Variants in UBR4 observed in about 807,000 individuals in gnomAD.
The protein encoded by UBR4 is E3 ubiquitin-protein ligase UBR4.
UBR4 carries 124 observed loss-of-function variants against 575.6 expected under a neutral mutation model. That is an observed-to-expected ratio of 0.22 (90% CI 0.19 to 0.25). The LOEUF (loss-of-function observed/expected upper bound fraction) is 0.25. Among genes scored for constraint, UBR4 ranks in the 10% least tolerant of loss-of-function variants. UBR4 has a pLI of 1.00. For synonymous variants in UBR4, 2,455 were observed against 2,473.7 expected, an observed-to-expected ratio of 0.99 and a Z score of 0.22; for missense variants, 4,818 against 6,478.8, an observed-to-expected ratio of 0.74 and a Z score of 8.80.
intron 49 of UBR4, chr1:19,149,662 CTCT>C (rs1168287130): frequency 1.9e-6 from 2 of 1,073,418 alleles, no homozygotes; most frequent in African/African-American, 1.7e-5. Flanking sequence ...AGCAGGAAGA[CTCT>C]TCAACAGAAG....
intron 75 of UBR4, 59 bp from the exon 76 acceptor site, chr1:19,114,129 T>C (rs1019591634): frequency 3.7e-5 from 59 of 1,581,712 alleles, no homozygotes; most frequent in Non-Finnish European, 5.0e-5. Flanking sequence ...TTTCCCTGAG[T>C]AATCCTCACT....
chr1:19,086,812 C>T lies in UBR4; in HGVS notation c.14554G>A (p.Val4852Ile). The change falls in exon 100 of 106, where the codon GTC becomes ATC. Residue 4852 changes from valine to isoleucine, a missense_variant. By Grantham distance (29) the Val-to-Ile change is conservative. This residue lies in a region of UBR4 where 196 missense variants were observed against 386.8 expected (regional missense o/e 0.51). Coordinates refer to ENST00000375254, the MANE Select transcript of UBR4 (RefSeq NM_020765.3). ...TTCGTGAAGGTATAAATGCCCAGGA[C>T]CTTTGTGGGCTGCAAAGACGACAAC... is the stretch of plus-strand genomic sequence containing the variant. Reference protein sequence around the residue: ...REGYKFQPTKVLGIYTFTKRV... With the variant: ...REGYKFQPTKILGIYTFTKRV... The T allele has an allele frequency of 1.9e-6, 3 of 1,614,098 alleles. No homozygotes were observed. Among genetic ancestry groups the T allele is most frequent in the Non-Finnish European group, 2.5e-6 (3 of 1,179,954 alleles).
chr1:19,097,362 G>T, intron 90 of UBR4, 82 bp from the exon 91 acceptor site: 2 of 1,241,612 alleles, frequency 1.6e-6, no homozygotes, highest in Non-Finnish European at 2.2e-6. Context: ...CTTGCTTAAA[G>T]CCCCAGCAAT....
chr1:19,164,334 A>G lies in UBR4; in HGVS notation c.4619T>C (p.Val1540Ala). The G allele has an allele frequency of 6.2e-7, 1 of 1,614,178 alleles. No individual in the cohort carries two copies. Among genetic ancestry groups the G allele is most frequent in the East Asian group, 2.2e-5 (1 of 44,878 alleles). The change falls in exon 33 of 106, where the codon GTG (valine) becomes GCG (alanine). Residue 1540 changes from valine to alanine, a missense_variant. Val to Ala is a moderately conservative substitution (Grantham distance 64). Around this residue, in one of 29 missense-constraint regions of UBR4, gnomAD observed 1,172 missense variants for 1,259.7 expected, o/e 0.93. Coordinates refer to ENST00000375254, the MANE Select transcript of UBR4 (RefSeq NM_020765.3). ...DGTGFPELMV[V>A]MATLASAGQG... is the part of the protein sequence containing the mutation. ...ACCTGCACTGGCCAGAGTGGCCATC[A>G]CAACCATAAGTTCAGGGAAGCCAGT...
chr1:19,203,741 T>C (rs746504532), intron 1 of UBR4, among the ~76,000 whole-genome samples: 35 of 152,198 alleles, frequency 2.3e-4, no homozygotes, highest in Non-Finnish European at 4.4e-4. Context: ...ATTAGTCCCT[T>C]AGAATAACTC....
chr1:19,096,249 T>C (rs1557553822), intron 92 of UBR4, among the ~76,000 whole-genome samples: 3 of 151,788 alleles, frequency 2.0e-5, no homozygotes, highest in African/African-American at 7.3e-5. Flanking sequence ...ACAACAACAA[T>C]GATAATAGTT....
Position 19,173,321 on chromosome 1 carries a change from A to G in UBR4, c.3166-15T>C. 1.9e-6 allele frequency: 3 copies of G among 1,614,052 alleles called. No homozygotes were observed. The highest frequency in any genetic ancestry group is 1.7e-6 in the Non-Finnish European group (2 of 1,179,972). On this transcript the variant is annotated splice_polypyrimidine_tract_variant and intron_variant, in intron 23 of 105. Transcript: ENST00000375254. The stretch of plus-strand genomic sequence containing the variant: ...ATAAGGTGATCCTATTTGGACAGCA[A>G]GAAAAAGTGTTTAGGAGATGACTAT...
intron 103 of UBR4, 134 bp from the exon 104 acceptor site, chr1:19,078,200 G>A (rs890003495): frequency 1.1e-6 from 1 of 896,452 alleles, no homozygotes; most frequent in Non-Finnish European, 1.7e-6. Flanking sequence ...CTAGCCTTCT[G>A]CTTGGAAAAA....
At chr1:19,125,292 C>G (rs2081600129) in intron 64 of UBR4, among the ~76,000 whole-genome samples, 1 of 152,212 alleles carries the variant, frequency 6.6e-6, no homozygotes, top group Non-Finnish European at 1.5e-5. Context: ...ACATATTCAA[C>G]TCCCAGTTAT....
intron 87 of UBR4, 134 bp downstream of exon 87, chr1:19,103,950 G>A: frequency 9.8e-7 from 1 of 1,020,930 alleles, no homozygotes; most frequent in South Asian, 1.7e-5. Flanking sequence ...CAAGAAATGA[G>A]TCTCCCTTTG....
At position 19,093,229 on chromosome 1, in the gene UBR4, G is replaced by C. The variant is rs2077702808; in HGVS notation, c.14111+84C>G. 1 of 1,533,404 alleles carries C rather than the reference G, an allele frequency of 6.5e-7. No individual in the cohort carries two copies. The highest frequency in any genetic ancestry group is 1.8e-5 in the Admixed American group (1 of 54,388). The allele number at this position is 1,533,404 out of a possible 1,614,324, so 95.0% of individuals were successfully genotyped here. A position where few individuals can be genotyped will look rare whatever the true frequency, so the allele number is the denominator to read the frequency against. On this transcript the variant is annotated intron_variant, in intron 96 of 105. Coordinates refer to ENST00000375254, the MANE Select transcript of UBR4 (RefSeq NM_020765.3). This position sits in a 1 kb window ranked among gnomAD's most constrained non-coding sequence, Gnocchi z 4.8. ...AAGGAGGGCAAGGGGCACACGTGAA[G>C]CTTTATGCCAAGATGCTGATGGAGA...
rs1279645929 is a variant in UBR4, at chr1:19,156,285, C to G, written c.6058G>C (p.Ala2020Pro). 6.2e-7 allele frequency: 1 copy of G among 1,613,938 alleles called. No homozygotes were observed. Among genetic ancestry groups the G allele is most frequent in the African/African-American group, 1.3e-5 (1 of 74,904 alleles). Residue 2020 changes from alanine (A) to proline (P), a missense_variant, in exon 42 of 106, where the codon GCA (alanine) becomes CCA (proline). Coordinates refer to ENST00000375254, the MANE Select transcript of UBR4 (RefSeq NM_020765.3). ...GSQTELAIVT[A>P]DFVKIYDLCV... ...TGTAACTGTACCTTAACAAAGTCTG[C>G]GGTGACAATTGCTAACTCGGTCTGT...
rs759856190 is a variant in UBR4 at position 19,115,652 on chromosome 1, C to T, written c.10824-15G>A. 1 of 1,613,420 alleles carries T rather than the reference C, an allele frequency of 6.2e-7. No homozygotes were observed. The highest frequency in any genetic ancestry group is 1.1e-5 in the South Asian group (1 of 91,016). On this transcript the variant is annotated splice_polypyrimidine_tract_variant and intron_variant, in intron 73 of 105. Coordinates refer to ENST00000375254, the MANE Select transcript of UBR4 (RefSeq NM_020765.3). ...AGCGAGCTGGCCTAGGAAAGACAGACAGCCTTGAGATTTTCTCATCTAACC... is the reference window on the plus strand; with the variant it reads ...AGCGAGCTGGCCTAGGAAAGACAGATAGCCTTGAGATTTTCTCATCTAACC...
At chr1:19,133,905 T>C (rs973732321) in intron 60 of UBR4, among the ~76,000 whole-genome samples, 1 of 151,788 alleles carries the variant, frequency 6.6e-6, no homozygotes, top group Non-Finnish European at 1.5e-5. Context: ...ATGACAAAAC[T>C]CTGTCTCTAC....
chr1:19,122,751 T>A (rs560275753), intron 66 of UBR4, 82 bp downstream of exon 66: 71 of 1,472,618 alleles, frequency 4.8e-5, no homozygotes, highest in African/African-American at 9.7e-5. Context: ...AGTCCTGCAT[T>A]ATTACCTCCA....
At chr1:19,079,426 C>T (rs950403464) in intron 103 of UBR4, 1 of 152,232 alleles carries the variant, frequency 6.6e-6, no homozygotes, top group African/African-American at 2.4e-5. Context: ...GAATCCATTT[C>T]TCTGCAGCTC....
intron 9 of UBR4, 104 bp downstream of exon 9, chr1:19,193,329 G>T: frequency 6.7e-7 from 1 of 1,487,976 alleles, no homozygotes. Context: ...AAGTAGTGTG[G>T]AGAATACTCT....
rs1298919195 is a variant in UBR4, at chr1:19,153,470, G to A, written c.6663C>T (p.Ala2221=). ...IQDMVAIRHT[A]CNEQQRTTMI... Reference sequence around the variant, plus strand: ...TTGTTGTCCGCTGCTGCTCATTGCAGGCCGTGTGCCTAATAGCAACCATGT... The same window carrying A: ...TTGTTGTCCGCTGCTGCTCATTGCAAGCCGTGTGCCTAATAGCAACCATGT... Residue 2221 remains alanine (A), a synonymous_variant, in exon 46 of 106, where the codon GCC becomes GCT. Coordinates refer to ENST00000375254, the MANE Select transcript of UBR4 (RefSeq NM_020765.3). This position sits in a 1 kb window ranked among gnomAD's most constrained non-coding sequence, Gnocchi z 4.1. 2 of 1,614,116 alleles carry A rather than the reference G, an allele frequency of 1.2e-6. No individual in the cohort carries two copies. Among genetic ancestry groups the A allele is most frequent in the Admixed American group, 1.7e-5 (1 of 60,026 alleles).
In UBR4 at chr1:19,197,765, G is replaced by A. The variant is rs776128400; in HGVS notation, c.798C>T (p.Phe266=). The A allele has an allele frequency of 5.6e-6, 9 of 1,614,186 alleles. No homozygotes were observed. The South Asian group carries it at 9.9e-5, about 18-fold the overall frequency. ...CTTGGAACCGATTGATATAGCGTAG[G>A]AAATATGGCAGGTTCAAACATACAC... ...LLRVCLNLPY[F]LRYINRFQDA... is the part of the protein sequence containing the mutation. The change falls in exon 7 of 106, where the codon TTC becomes TTT. Residue 266 remains phenylalanine, a synonymous_variant. Transcript: ENST00000375254.
Sources: allele counts gnomAD v4.1 joint callset (sites outside exome capture counted in the v4.1 genomes callset), GRCh38; gene constraint gnomAD v4.1.1; regional missense constraint gnomAD v4.1.1; non-coding constraint Gnocchi (gnomAD v3.1); transcripts MANE v1.5; gene names NCBI Gene and HGNC (gene_info 2026-07-23, HGNC 2026-07-21).